NSUN2: variants seen among roughly 807,000 people sequenced by gnomAD.
The protein encoded by NSUN2 is NOP2/Sun RNA methyltransferase 2.
A neutral mutation model predicts 92.7 loss-of-function variants in NSUN2; 63 were observed. That is an observed-to-expected ratio of 0.68 (90% confidence interval 0.56 to 0.84). NSUN2 has a LOEUF of 0.84. Ranked by LOEUF, NSUN2 falls within the 40% of genes least tolerant of loss-of-function variation. NSUN2 has a pLI of 0.00. For synonymous variants in NSUN2, 356 were observed against 348.3 expected (o/e 1.02, Z -0.25); for missense variants, 989 against 964.9 (o/e 1.02, Z -0.33).
chr5:6,608,889 C>T (rs559564341), intron 12 of NSUN2, among the ~76,000 whole-genome samples: 5 of 152,344 alleles, frequency 3.3e-5, no homozygotes, highest in Admixed American at 6.5e-5. Context: ...ATACTGATTC[C>T]ATGAAAATAA....
At chr5:6,604,372 TG>T in intron 16 of NSUN2, 96 bp from the exon 17 acceptor site, 1 of 1,214,278 alleles carries the variant, frequency 8.2e-7, no homozygotes, top group Non-Finnish European at 1.2e-6. Context: ...GCGGCTATGG[TG>T]GTCGAGCCCT....
intron 9 of NSUN2, among the ~76,000 whole-genome samples, chr5:6,614,094 GGAAAAAAAAAA>G (rs1737113645): frequency 5.6e-5 from 3 of 53,404 alleles, no homozygotes; most frequent in Non-Finnish European, 1.0e-4. Context: ...AGACTGTCTC[GGAAAAAAAAAA>G]AAAAAAAAAA....
chr5:6,630,811 T>C (rs1485254897), intron 3 of NSUN2, among the ~76,000 whole-genome samples: 2 of 152,176 alleles, frequency 1.3e-5, no homozygotes, highest in Non-Finnish European at 2.9e-5. Flanking sequence ...AACGCTTAAT[T>C]TGGCAGGGCG....
rs3756428 is a variant in NSUN2 at position 6,613,045 on chromosome 5, G to C, written c.1022-1247C>G. 2.6e-4 allele frequency among the ~76,000 whole-genome samples: 40 copies of C among 152,352 alleles called. No homozygotes were observed. The East Asian group carries it at 7.3e-3, about 28-fold the overall frequency. On this transcript the variant is annotated intron_variant, in intron 9 of 18. Coordinates refer to ENST00000264670, the MANE Select transcript of NSUN2 (RefSeq NM_017755.6). Reference sequence around the variant, plus strand: ...GCCTCTGACAGAGAAAAGGGAGGAAGCATCTACAATACGGTCTGAAGCCAC... The same window carrying C: ...GCCTCTGACAGAGAAAAGGGAGGAACCATCTACAATACGGTCTGAAGCCAC...
At chr5:6,612,879 T>G (rs2126485254) in intron 9 of NSUN2, among the ~76,000 whole-genome samples, 1 of 152,318 alleles carries the variant, frequency 6.6e-6, no homozygotes, top group East Asian at 1.9e-4. Flanking sequence ...CTACCCCATG[T>G]TGCCCCTTCT....
chr5:6,606,936 C>T (rs758569876), intron 13 of NSUN2, 24 bp from the exon 14 acceptor site: 1 of 1,359,052 alleles, frequency 7.4e-7, no homozygotes, highest in South Asian at 1.2e-5. Context: ...CAGGATGAGA[C>T]AAATCAATCT....
chr5:6,624,526 C>T (rs957622800), intron 4 of NSUN2, among the ~76,000 whole-genome samples: 3 of 152,224 alleles, frequency 2.0e-5, no homozygotes, highest in Non-Finnish European at 4.4e-5. Flanking sequence ...AAACCCCACG[C>T]TCTCTTCCAA....
At position 6,604,260 on chromosome 5, in the gene NSUN2, T is replaced by C. The variant is rs1423797783; in HGVS notation, c.1835A>G (p.Tyr612Cys). The C allele has an allele frequency of 6.3e-7, 1 of 1,596,846 alleles. No homozygotes were observed. Among genetic ancestry groups the C allele is most frequent in the South Asian group, 1.1e-5 (1 of 90,424 alleles). ...RLAQEGIYTLYPFINSRIITV... is the reference protein window; with the variant it reads ...RLAQEGIYTLCPFINSRIITV... ...AATAATTCTTGAGTTAATAAATGGA[T>C]ACAATGTATATATTCCCTGTGTGAA... Residue 612 changes from tyrosine (Y) to cysteine (C), a missense_variant, in exon 17 of 19, where the codon TAT becomes TGT. Transcript: ENST00000264670.
In NSUN2 at chr5:6,632,853, C is replaced by T. The variant is rs749173591; in HGVS notation, c.96+31G>A. The T allele has an allele frequency of 3.2e-6, 5 of 1,540,490 alleles. No homozygotes were observed. In the Admixed American group the frequency reaches 9.8e-5, roughly 30 times the overall value. On this transcript the variant is annotated intron_variant, in intron 1 of 18. Coordinates refer to ENST00000264670, the MANE Select transcript of NSUN2 (RefSeq NM_017755.6). The stretch of plus-strand genomic sequence containing the variant: ...GGGTCCGGGAAGCCCAGGAGGAGCC[C>T]CTGGCCCGCCCGCCGGGTCCCGGCT...
In NSUN2 at chr5:6,604,231, C is replaced by T. The variant is rs1022912837; in HGVS notation, c.1864G>A (p.Val622Ile). Residue 622 changes from valine to isoleucine, a missense_variant, in exon 17 of 19, where the codon GTA becomes ATA. This residue lies in a region of NSUN2 where 626 missense variants were observed against 602.3 expected (regional missense o/e 1.04). Coordinates refer to ENST00000264670, the MANE Select transcript of NSUN2 (RefSeq NM_017755.6). ...AGTATCTTAACATCTTCCATTGATA[C>T]AGTAATAATTCTTGAGTTAATAAAT... ...YPFINSRIITVSMEDVKILLT... is the reference protein window; with the variant it reads ...YPFINSRIITISMEDVKILLT... 1.9e-6 allele frequency: 3 copies of T among 1,606,346 alleles called. No individual in the cohort carries two copies. Among genetic ancestry groups the T allele is most frequent in the Non-Finnish European group, 2.6e-6 (3 of 1,173,160 alleles).
chr5:6,619,569 A>C (rs1245604006), intron 7 of NSUN2, among the ~76,000 whole-genome samples: 1 of 152,234 alleles, frequency 6.6e-6, no homozygotes, highest in East Asian at 1.9e-4. Flanking sequence ...TCTAAACTCT[A>C]AATATCTAAA....
At chr5:6,610,082 G>A (rs76492213) in intron 11 of NSUN2, among the ~76,000 whole-genome samples, 160 bp from the exon 12 acceptor site, 10 of 124,776 alleles carry the variant, frequency 8.0e-5, no homozygotes, top group Non-Finnish European at 1.2e-4. Context: ...TTTTTTTTTT[G>A]AGTCAAGGTC....
chr5:6,632,525 G>C (rs576014164), intron 2 of NSUN2, 74 bp downstream of exon 2: 5 of 1,541,980 alleles, frequency 3.2e-6, no homozygotes, highest in Non-Finnish European at 3.5e-6. Flanking sequence ...AACACTTGTC[G>C]AAGAAAACAC....
At chr5:6,606,962 C>T (rs1736802556) in intron 13 of NSUN2, 50 bp from the exon 14 acceptor site, 4 of 1,144,506 alleles carry the variant, frequency 3.5e-6, no homozygotes, top group Middle Eastern at 2.0e-4. Flanking sequence ...GTGTGGTAAC[C>T]TTCAATACCA....
intron 4 of NSUN2, among the ~76,000 whole-genome samples, chr5:6,624,525 G>A (rs938758340): frequency 2.3e-4 from 35 of 152,056 alleles, no homozygotes; most frequent in African/African-American, 7.5e-4. Context: ...CAAACCCCAC[G>A]CTCTCTTCCA....
chr5:6,630,226 A>C (rs1737821000), intron 3 of NSUN2, among the ~76,000 whole-genome samples: 1 of 152,216 alleles, frequency 6.6e-6, no homozygotes, highest in African/African-American at 2.4e-5. Context: ...ATTAGTGACC[A>C]CTAACAGCAA....
intron 3 of NSUN2, among the ~76,000 whole-genome samples, chr5:6,629,461 T>C (rs180671235): frequency 2.0e-5 from 3 of 152,340 alleles, no homozygotes; most frequent in Admixed American, 1.3e-4. Flanking sequence ...CTCTTCCCTA[T>C]AGACACATGC....
rs745927756 is a variant in NSUN2, at chr5:6,620,263, G to A, written c.658C>T (p.Arg220Cys). Residue 220 changes from arginine to cysteine, a missense_variant, in exon 7 of 19, where the codon CGC becomes TGC. Physicochemically the swap from Arg to Cys is radical, Grantham distance 180. Transcript: ENST00000264670. Reference sequence around the variant, plus strand: ...GCTTGATGGACGAGCAGGTAGCAGCGCTTGTTGTCCACATCATTCGCAATA... The same window carrying A: ...GCTTGATGGACGAGCAGGTAGCAGCACTTGTTGTCCACATCATTCGCAATA... ...FVIANDVDNK[R>C]CYLLVHQAKR... 27 of 1,604,256 alleles carry A rather than the reference G, an allele frequency of 1.7e-5. No homozygotes were observed. Among genetic ancestry groups the A allele is most frequent in the African/African-American group, 4.0e-5 (3 of 74,282 alleles).
chr5:6,602,786 G>A (rs557989617), intron 17 of NSUN2, among the ~76,000 whole-genome samples: 50 of 152,308 alleles, frequency 3.3e-4, no homozygotes, highest in Admixed American at 7.8e-4. Flanking sequence ...CAAGGAGGCT[G>A]GGGATTAACT....
Sources: gnomAD v4.1 joint callset for allele counts (sites outside exome capture counted in the v4.1 genomes callset) on GRCh38, gnomAD v4.1.1 for gene constraint, gnomAD v4.1.1 regional missense constraint, MANE v1.5 for transcripts, NCBI Gene and HGNC (gene_info 2026-07-23, HGNC 2026-07-21) for gene names.